The following TIFAB variants were observed in gnomAD, a reference collection of about 807,000 sequenced individuals.
TIFAB encodes the protein TRAF-interacting protein with FHA domain-containing protein B.
For synonymous variants in TIFAB, 116 were observed against 95.2 expected, an observed-to-expected ratio of 1.22 and a Z score of -1.27; for missense variants, 222 against 203.6, an observed-to-expected ratio of 1.09 and a Z score of -0.55.
chr5:135,447,527 C>T lies in TIFAB; in HGVS notation c.*1927G>A, dbSNP rs1769294081. 2.2e-5 allele frequency: 4 copies of T among 181,178 alleles called. 1 individual carries two copies. The South Asian group carries it at 4.8e-4, about 22-fold the overall frequency. The allele number at this position is 181,178 out of a possible 1,614,324, so 11.2% of individuals were successfully genotyped here. A position where few individuals can be genotyped will look rare whatever the true frequency, so the allele number is the denominator to read the frequency against. On this transcript the variant is annotated 3_prime_UTR_variant, in exon 2 of 2. Transcript: ENST00000537858. Reference sequence around the variant, plus strand: ...TCTAGCAGGTAGTACTATTATCTTACCCATTTTCCAGCGGGAGAAATAGAG... The same window carrying T: ...TCTAGCAGGTAGTACTATTATCTTATCCATTTTCCAGCGGGAGAAATAGAG...
Position 135,446,306 on chromosome 5 carries a change from A to G in TIFAB, c.*3148T>C. 1 of 1,522,450 alleles carries G rather than the reference A, an allele frequency of 6.6e-7. No individual in the cohort carries two copies. Among genetic ancestry groups the G allele is most frequent in the Non-Finnish European group, 8.8e-7 (1 of 1,133,480 alleles). The allele number at this position is 1,522,450 out of a possible 1,614,324, so 94.3% of individuals were successfully genotyped here. The stretch of plus-strand genomic sequence containing the variant: ...AGGGCCCTAGCTGGGAGCAGCGTTC[A>G]TGTGCACTGTATGTTCGTGTTTAGT... On this transcript the variant is annotated 3_prime_UTR_variant, in exon 2 of 2. Transcript: ENST00000537858.
At position 135,447,288 on chromosome 5, in the gene TIFAB, G is replaced by A. The variant is rs543711497; in HGVS notation, c.*2166C>T. 6.3e-5 allele frequency: 46 copies of A among 728,048 alleles called. No individual in the cohort carries two copies. Among genetic ancestry groups the A allele is most frequent in the Admixed American group, 1.1e-4 (4 of 35,288 alleles). The allele number at this position is 728,048 out of a possible 1,614,324, so 45.1% of individuals were successfully genotyped here. ...CCCCTCCCTGTTGCCTACCAGGTCCGTGGCTACAACTAAATCCCTAGTTGG... is the reference window on the plus strand; with the variant it reads ...CCCCTCCCTGTTGCCTACCAGGTCCATGGCTACAACTAAATCCCTAGTTGG... On this transcript the variant is annotated 3_prime_UTR_variant, in exon 2 of 2. Coordinates refer to ENST00000537858, the MANE Select transcript of TIFAB (RefSeq NM_001099221.2).
In TIFAB at chr5:135,452,280, T is replaced by A. The variant is rs1162719365; in HGVS notation, c.-82A>T. 2.0e-5 allele frequency: 3 copies of A among 152,254 alleles called. No individual in the cohort carries two copies. The highest frequency in any genetic ancestry group is 1.3e-4 in the Admixed American group (2 of 15,286). The allele number at this position is 152,254 out of a possible 1,614,324, so 9.4% of individuals were successfully genotyped here. ...TTGAGAGGGAGTAGGCTGGTTTGGG[T>A]AGGGCTGGGAGGGCTCCTATGGCTG... On this transcript the variant is annotated 5_prime_UTR_variant, in exon 1 of 2. Coordinates refer to ENST00000537858, the MANE Select transcript of TIFAB (RefSeq NM_001099221.2).
Position 135,445,834 on chromosome 5 carries a change from C to A in TIFAB, c.*3620G>T, listed in dbSNP as rs1175824062. Reference sequence around the variant, plus strand: ...TCCCTCGAGGGGAGCCCGTGTCTCTCACGGACAGCTTGGCAAGATTCACAT... The same window carrying A: ...TCCCTCGAGGGGAGCCCGTGTCTCTAACGGACAGCTTGGCAAGATTCACAT... On this transcript the variant is annotated 3_prime_UTR_variant, in exon 2 of 2. Transcript: ENST00000537858. 6.5e-6 allele frequency: 1 copy of A among 153,118 alleles called. No individual in the cohort carries two copies. The highest frequency in any genetic ancestry group is 2.4e-5 in the African/African-American group (1 of 41,476). 9.5% of individuals were successfully genotyped at this position (153,118 alleles called of 1,614,324 possible). A position where few individuals can be genotyped will look rare whatever the true frequency, so the allele number is the denominator to read the frequency against.
At position 135,445,661 on chromosome 5, in the gene TIFAB, C is replaced by T. The variant is rs1769243459; in HGVS notation, c.*3793G>A. Reference sequence around the variant, plus strand: ...TTTGTCTGCAAGGAACTTGAGGTCTCACCGGGCAGACAGGCACGGAGTGAG... The same window carrying T: ...TTTGTCTGCAAGGAACTTGAGGTCTTACCGGGCAGACAGGCACGGAGTGAG... On this transcript the variant is annotated 3_prime_UTR_variant, in exon 2 of 2. Transcript: ENST00000537858. 1 of 152,384 alleles carries T rather than the reference C, an allele frequency of 6.6e-6. No homozygotes were observed. The highest frequency in any genetic ancestry group is 2.1e-4 in the South Asian group (1 of 4,834). The allele number at this position is 152,384 out of a possible 1,614,324, so 9.4% of individuals were successfully genotyped here.
intron 1 of TIFAB, chr5:135,450,665 T>C (rs1769347846): frequency 6.6e-6 from 1 of 152,278 alleles, no homozygotes; most frequent in Non-Finnish European, 1.5e-5. Context: ...CAAACTCTGC[T>C]ATGTCCACCA....
In TIFAB at chr5:135,449,491, C is replaced by T. The variant is rs1769327952; in HGVS notation, c.449G>A (p.Gly150Asp). The T allele has an allele frequency of 5.6e-6, 9 of 1,614,140 alleles. No individual in the cohort carries two copies. The highest frequency in any genetic ancestry group is 7.6e-6 in the Non-Finnish European group (9 of 1,180,038). The change falls in exon 2 of 2, where the codon GGC becomes GAC. Residue 150 changes from glycine to aspartate, a missense_variant. Transcript: ENST00000537858. Reference sequence around the variant, plus strand: ...AGGGGGAGGCTGCCCCTGGGAGATGCCTTCCCATTCGTCAGTTTCCTCAGC... The same window carrying T: ...AGGGGGAGGCTGCCCCTGGGAGATGTCTTCCCATTCGTCAGTTTCCTCAGC... ...PEAEETDEWE[G>D]ISQGQPPPGS...
In TIFAB at chr5:135,446,231, G is replaced by A. The variant is rs1193801542; in HGVS notation, c.*3223C>T. 3.1e-6 allele frequency: 3 copies of A among 973,340 alleles called. No individual in the cohort carries two copies. Among genetic ancestry groups the A allele is most frequent in the African/African-American group, 3.3e-5 (2 of 61,126 alleles). The allele number at this position is 973,340 out of a possible 1,614,324, so 60.3% of individuals were successfully genotyped here. A position where few individuals can be genotyped will look rare whatever the true frequency, so the allele number is the denominator to read the frequency against. On this transcript the variant is annotated 3_prime_UTR_variant, in exon 2 of 2. Transcript: ENST00000537858. ...ACTTGTCCAGGATCACAGAACTATA[G>A]TAAGTGGGGGTGGGGACAAGAATTC...
Position 135,447,140 on chromosome 5 carries a change from C to T in TIFAB, c.*2314G>A. The T allele has an allele frequency of 6.2e-7, 1 of 1,613,680 alleles. No individual in the cohort carries two copies. Among genetic ancestry groups the T allele is most frequent in the African/African-American group, 1.3e-5 (1 of 75,054 alleles). On this transcript the variant is annotated 3_prime_UTR_variant, in exon 2 of 2. Transcript: ENST00000537858. ...GGGACCATTTTGGTCAGTGACAGAT[C>T]ACTGCTGCTTTTCATCAGACCAAAA... is the stretch of plus-strand genomic sequence containing the variant.
At position 135,446,242 on chromosome 5, in the gene TIFAB, T is replaced by C. The variant is rs1240132518; in HGVS notation, c.*3212A>G. On this transcript the variant is annotated 3_prime_UTR_variant, in exon 2 of 2. Transcript: ENST00000537858. Reference sequence around the variant, plus strand: ...ATCACAGAACTATAGTAAGTGGGGGTGGGGACAAGAATTCTAACCCAGGCA... The same window carrying C: ...ATCACAGAACTATAGTAAGTGGGGGCGGGGACAAGAATTCTAACCCAGGCA... The C allele has an allele frequency of 9.3e-7, 1 of 1,071,104 alleles. No homozygotes were observed. Among genetic ancestry groups the C allele is most frequent in the Non-Finnish European group, 1.3e-6 (1 of 741,040 alleles). The allele number at this position is 1,071,104 out of a possible 1,614,324, so 66.4% of individuals were successfully genotyped here.
rs567543519 is a variant in TIFAB at position 135,447,627 on chromosome 5, T to G, written c.*1827A>C. ...TGATGTTGGGCAAGATATGTAACCT[T>G]TCCAAGTCTCAGTTTCCTTATCTGT... On this transcript the variant is annotated 3_prime_UTR_variant, in exon 2 of 2. Transcript: ENST00000537858. 11 of 164,294 alleles carry G rather than the reference T, an allele frequency of 6.7e-5. No individual in the cohort carries two copies. Among genetic ancestry groups the G allele is most frequent in the Admixed American group, 1.6e-4 (3 of 18,186 alleles). 10.2% of individuals were successfully genotyped at this position (164,294 alleles called of 1,614,324 possible).
rs180721424 is a variant in TIFAB, at chr5:135,446,351, C to T, written c.*3103G>A. On this transcript the variant is annotated 3_prime_UTR_variant, in exon 2 of 2. Coordinates refer to ENST00000537858, the MANE Select transcript of TIFAB (RefSeq NM_001099221.2). ...TTTAGTGTATGTCTGTGCATACTTG[C>T]GTGTGTGCACACGCACACATGTTCA... The T allele has an allele frequency of 1.4e-5, 22 of 1,571,566 alleles. No homozygotes were observed. Among genetic ancestry groups the T allele is most frequent in the Middle Eastern group, 3.6e-4 (2 of 5,582 alleles).
Position 135,446,946 on chromosome 5 carries a change from G to A in TIFAB, c.*2508C>T. On this transcript the variant is annotated 3_prime_UTR_variant, in exon 2 of 2. Coordinates refer to ENST00000537858, the MANE Select transcript of TIFAB (RefSeq NM_001099221.2). The stretch of plus-strand genomic sequence containing the variant: ...AGGCCCTGGAGAGGGGCACTCAGGG[G>A]CAGCAGCTCATTCCCAAAGTTCTCT... The A allele has an allele frequency of 1.2e-6, 2 of 1,612,736 alleles. No individual in the cohort carries two copies. Among genetic ancestry groups the A allele is most frequent in the South Asian group, 1.1e-5 (1 of 90,894 alleles).
rs989374188 is a variant in TIFAB at position 135,450,081 on chromosome 5, T to A, written c.-10-132A>T. The A allele has an allele frequency of 2.9e-4, 360 of 1,250,014 alleles. 1 individual carries two copies. The highest frequency in any genetic ancestry group is 2.4e-4 in the Non-Finnish European group (218 of 916,254). The allele number at this position is 1,250,014 out of a possible 1,614,324, so 77.4% of individuals were successfully genotyped here. ...TACAATCACTCTGCCCAAGCCAGGA[T>A]GGAGCCAAGGCTGGAATTGGTGTGG... On this transcript the variant is annotated intron_variant, in intron 1 of 1. Transcript: ENST00000537858.
At position 135,450,464 on chromosome 5, in the gene TIFAB, G is replaced by T. The variant is rs115888990; in HGVS notation, c.-10-515C>A. The T allele has an allele frequency of 6.8e-3, 1,044 of 153,130 alleles. 20 individuals carry two copies. The highest frequency in any genetic ancestry group is 0.024 in the African/African-American group (997 of 41,582). The allele number at this position is 153,130 out of a possible 1,614,324, so 9.5% of individuals were successfully genotyped here. ...GAGCACCCACTGGTGGAGGAGAGAG[G>T]TGTTTCTAGCATCAGGATGTGTGGA... On this transcript the variant is annotated intron_variant, in intron 1 of 1. Coordinates refer to ENST00000537858, the MANE Select transcript of TIFAB (RefSeq NM_001099221.2).
rs1383738637 is a variant in TIFAB at position 135,446,341 on chromosome 5, T to A, written c.*3113A>T. On this transcript the variant is annotated 3_prime_UTR_variant, in exon 2 of 2. Transcript: ENST00000537858. ...TATGTTCGTGTTTAGTGTATGTCTG[T>A]GCATACTTGCGTGTGTGCACACGCA... 1 of 1,563,770 alleles carries A rather than the reference T, an allele frequency of 6.4e-7. No homozygotes were observed. Among genetic ancestry groups the A allele is most frequent in the South Asian group, 1.2e-5 (1 of 81,908 alleles).
Position 135,446,336 on chromosome 5 carries a change from G to A in TIFAB, c.*3118C>T, listed in dbSNP as rs1455064578. 1 of 1,557,732 alleles carries A rather than the reference G, an allele frequency of 6.4e-7. No homozygotes were observed. The highest frequency in any genetic ancestry group is 8.7e-7 in the Non-Finnish European group (1 of 1,149,938). ...CACTGTATGTTCGTGTTTAGTGTAT[G>A]TCTGTGCATACTTGCGTGTGTGCAC... On this transcript the variant is annotated 3_prime_UTR_variant, in exon 2 of 2. Coordinates refer to ENST00000537858, the MANE Select transcript of TIFAB (RefSeq NM_001099221.2).
At chr5:135,450,087 C>T (rs1008002809) in intron 1 of TIFAB, 138 bp from the exon 2 acceptor site, 12 of 1,194,146 alleles carry the variant, frequency 1.0e-5, no homozygotes, top group African/African-American at 1.5e-5. Flanking sequence ...AGGATGGAGC[C>T]AAGGCTGGAA....
Position 135,446,812 on chromosome 5 carries a change from C to G in TIFAB, c.*2642G>C. On this transcript the variant is annotated 3_prime_UTR_variant, in exon 2 of 2. Coordinates refer to ENST00000537858, the MANE Select transcript of TIFAB (RefSeq NM_001099221.2). ...CTGAGGGCCTCGCAGATGCTTCACT[C>G]GAAAGATTGGAGTTGCAGAGTCCCC... The G allele has an allele frequency of 1.2e-6, 2 of 1,613,924 alleles. No individual in the cohort carries two copies. The highest frequency in any genetic ancestry group is 1.7e-6 in the Non-Finnish European group (2 of 1,179,830).
Sources: allele counts gnomAD v4.1 joint callset, GRCh38; gene constraint gnomAD v4.1.1; transcripts MANE v1.5; gene names NCBI Gene and HGNC (gene_info 2026-07-23, HGNC 2026-07-21).